TOM1L2: variants seen among roughly 807,000 people sequenced by gnomAD.
TOM1L2 encodes the protein TOM1-like protein 2.
A neutral mutation model predicts 67.9 loss-of-function variants in TOM1L2; 31 were observed. The observed-to-expected ratio is 0.46, with a 90% CI of 0.34 to 0.62. The LOEUF (loss-of-function observed/expected upper bound fraction) is 0.62. Ranked by LOEUF, TOM1L2 falls within the 20% of genes least tolerant of loss-of-function variation. TOM1L2 has a pLI of 0.01. For missense variants in TOM1L2, 606 were observed against 663.5 expected (o/e 0.91, Z 0.95); for synonymous variants, 256 against 254.0 (o/e 1.01, Z -0.07).
chr17:17,873,399 C>T (rs2037253619), intron 7 of TOM1L2, among the ~76,000 whole-genome samples: 1 of 151,992 alleles, frequency 6.6e-6, no homozygotes, highest in Non-Finnish European at 1.5e-5. Context: ...CCAAAGCATT[C>T]AACACACTCC....
chr17:17,953,115 C>CA (rs1183400705), intron 1 of TOM1L2, among the ~76,000 whole-genome samples: 3 of 151,488 alleles, frequency 2.0e-5, no homozygotes, highest in South Asian at 2.1e-4. Context: ...CCCATCTCTA[C>CA]AAAAAAAATA....
intron 1 of TOM1L2, among the ~76,000 whole-genome samples, chr17:17,951,148 C>T (rs772296196): frequency 1.3e-5 from 2 of 152,138 alleles, no homozygotes; most frequent in Non-Finnish European, 2.9e-5. Flanking sequence ...TCAGCCTCAT[C>T]CATAAATCCT....
chr17:17,889,919 G>A (rs933887114), intron 4 of TOM1L2, among the ~76,000 whole-genome samples: 12 of 152,072 alleles, frequency 7.9e-5, no homozygotes, highest in South Asian at 2.1e-4. Flanking sequence ...GTCTGTTACC[G>A]CTCTGGCACC....
chr17:17,869,285 T>C, intron 8 of TOM1L2, 55 bp downstream of exon 8: 3 of 1,589,204 alleles, frequency 1.9e-6, no homozygotes, highest in Non-Finnish European at 2.6e-6. Flanking sequence ...AATCCCTCTG[T>C]TATGGCAACA....
At chr17:17,862,954 T>C (rs567462696) in intron 10 of TOM1L2, 106 bp from the exon 11 acceptor site, 26 of 184,524 alleles carry the variant, frequency 1.4e-4, no homozygotes, top group South Asian at 6.7e-4. Flanking sequence ...TTAGGTTCCA[T>C]GGGGAGGGTG....
chr17:17,922,575 G>A (rs1028855998), intron 1 of TOM1L2, among the ~76,000 whole-genome samples: 2 of 152,100 alleles, frequency 1.3e-5, no homozygotes, highest in African/African-American at 2.4e-5. Context: ...TTGAATCTGG[G>A]GACTGGGGGT....
At chr17:17,956,871 G>A (rs1690322600) in intron 1 of TOM1L2, among the ~76,000 whole-genome samples, 1 of 152,210 alleles carries the variant, frequency 6.6e-6, no homozygotes, top group Non-Finnish European at 1.5e-5. Flanking sequence ...CTCCCTGCAA[G>A]CTGAGGGAGG....
intron 1 of TOM1L2, among the ~76,000 whole-genome samples, chr17:17,945,040 G>A (rs2040883570): frequency 6.6e-6 from 1 of 152,142 alleles, no homozygotes; most frequent in South Asian, 2.1e-4. Flanking sequence ...TGGAAATGTA[G>A]GATTTCCCAT....
intron 12 of TOM1L2, chr17:17,859,796 GC>G (rs1479950103): frequency 7.2e-5 from 11 of 152,220 alleles, no homozygotes; most frequent in African/African-American, 2.7e-4. Flanking sequence ...CAGGACAATC[GC>G]TTGAACCTGG....
chr17:17,956,505 A>G (rs1370808032), intron 1 of TOM1L2, among the ~76,000 whole-genome samples: 3 of 152,330 alleles, frequency 2.0e-5, no homozygotes, highest in African/African-American at 4.8e-5. Context: ...TGCACTCCTC[A>G]GCCCTTGGGC....
intron 8 of TOM1L2, 120 bp from the exon 9 acceptor site, chr17:17,867,044 G>C (rs537668341): frequency 1.1e-4 from 94 of 863,398 alleles, no homozygotes; most frequent in Non-Finnish European, 9.8e-5. Context: ...CCACCTGGGG[G>C]CTAGGGAGTG....
At chr17:17,897,982 G>A (rs2038659146) in intron 3 of TOM1L2, among the ~76,000 whole-genome samples, 1 of 148,720 alleles carries the variant, frequency 6.7e-6, no homozygotes, top group Non-Finnish European at 1.5e-5. Context: ...CTGGAGTGCA[G>A]TGGTGCGATC....
At position 17,952,711 on chromosome 17, in the gene TOM1L2, T is replaced by A. The variant is rs552988292; in HGVS notation, c.52+19551A>T. Among the ~76,000 whole-genome samples, 78 of 152,138 alleles carry A rather than the reference T, an allele frequency of 5.1e-4. 2 individuals carry two copies. In the South Asian group the frequency reaches 0.016, roughly 31 times the overall value. On this transcript the variant is annotated intron_variant, in intron 1 of 14. Transcript: ENST00000379504. ...CACCCAGCCTATATTTTATAATTTTTAAAAACAAAAATGGGTCTCTGTGTC... is the reference window on the plus strand; with the variant it reads ...CACCCAGCCTATATTTTATAATTTTAAAAAACAAAAATGGGTCTCTGTGTC...
chr17:17,964,828 G>T (rs1407330582), intron 1 of TOM1L2, among the ~76,000 whole-genome samples: 1 of 152,194 alleles, frequency 6.6e-6, no homozygotes, highest in Non-Finnish European at 1.5e-5. Context: ...CTAAGCAGTG[G>T]CATTCCTCTA....
chr17:17,915,117 T>A (rs1051656126), intron 1 of TOM1L2, among the ~76,000 whole-genome samples: 51 of 152,080 alleles, frequency 3.4e-4, no homozygotes, highest in African/African-American at 1.1e-3. Flanking sequence ...TGTACAGAGG[T>A]CTTCTATGTT....
chr17:17,893,205 C>T (rs1368271479), intron 4 of TOM1L2, among the ~76,000 whole-genome samples: 1 of 152,210 alleles, frequency 6.6e-6, no homozygotes, highest in African/African-American at 2.4e-5. Flanking sequence ...GACTTTTCCA[C>T]CAAACTCCCC....
intron 1 of TOM1L2, among the ~76,000 whole-genome samples, chr17:17,911,649 T>C (rs1406128624): frequency 1.3e-5 from 2 of 152,196 alleles, no homozygotes; most frequent in Non-Finnish European, 2.9e-5. Context: ...GAAATTCTTT[T>C]TTTTTTTTAA....
intron 1 of TOM1L2, among the ~76,000 whole-genome samples, chr17:17,962,470 GC>G (rs1753699688): frequency 6.6e-6 from 1 of 151,900 alleles, no homozygotes; most frequent in Non-Finnish European, 1.5e-5. Flanking sequence ...ACACTGCCAT[GC>G]CCGGCTAATT....
chr17:17,957,184 T>G (rs2041493785), intron 1 of TOM1L2, among the ~76,000 whole-genome samples: 1 of 152,240 alleles, frequency 6.6e-6, no homozygotes, highest in Non-Finnish European at 1.5e-5. Context: ...TCTTGCTATG[T>G]TGCCCAGGCT....
Sources: gnomAD v4.1 joint callset for allele counts (sites outside exome capture counted in the v4.1 genomes callset) on GRCh38, gnomAD v4.1.1 for gene constraint, MANE v1.5 for transcripts, NCBI Gene and HGNC (gene_info 2026-07-23, HGNC 2026-07-21) for gene names.